CEP20: variants seen among roughly 807,000 people sequenced by gnomAD.
The protein encoded by CEP20 is FGFR1OP N-terminal like.
In CEP20, 18 loss-of-function variants were observed where a neutral mutation model predicts 20.0. The observed-to-expected ratio is 0.90, with a 90% CI of 0.62 to 1.34. CEP20 has a LOEUF of 1.34. Ranked by LOEUF, CEP20 falls within the 40% of genes most tolerant of loss-of-function variation. CEP20 has a pLI of 0.00. For missense variants in CEP20, 215 were observed against 201.6 expected (o/e 1.07, Z -0.40); for synonymous variants, 77 against 73.7 (o/e 1.04, Z -0.23).
chr16:15,883,523 G>A (rs1171313454), intron 2 of CEP20, among the ~76,000 whole-genome samples: 4 of 151,948 alleles, frequency 2.6e-5, no homozygotes, highest in African/African-American at 9.7e-5. Flanking sequence ...GTGCCACCAT[G>A]CATGGCTAAT....
intron 2 of CEP20, among the ~76,000 whole-genome samples, chr16:15,882,555 CA>C (rs935318216): frequency 3.3e-5 from 5 of 150,522 alleles, no homozygotes; most frequent in African/African-American, 1.2e-4. Flanking sequence ...AACAAACATA[CA>C]AAAAAACCTC....
chr16:15,870,181 T>A (rs1301844575), intron 4 of CEP20, among the ~76,000 whole-genome samples: 1 of 151,254 alleles, frequency 6.6e-6, no homozygotes, highest in African/African-American at 2.4e-5. Flanking sequence ...ACTTTCTTAC[T>A]AGTCATGAGC....
intron 3 of CEP20, among the ~76,000 whole-genome samples, chr16:15,879,260 G>GTTTT (rs1230335645): frequency 3.3e-5 from 5 of 149,902 alleles, no homozygotes; most frequent in African/African-American, 7.4e-5. Flanking sequence ...TTTTGTTTTT[G>GTTTT]TTTTTGTTTT....
chr16:15,867,990 A>AG (rs1272340494), intron 4 of CEP20, among the ~76,000 whole-genome samples: 2 of 151,612 alleles, frequency 1.3e-5, no homozygotes, highest in African/African-American at 2.4e-5. Context: ...AAAAAAAAAA[A>AG]AAAGAAAGAA....
intron 1 of CEP20, chr16:15,886,285 T>G (rs888438925): frequency 6.6e-6 from 1 of 152,244 alleles, no homozygotes; most frequent in African/African-American, 2.4e-5. Context: ...AGATAGAATC[T>G]TCACTGACTT....
At position 15,867,014 on chromosome 16, in the gene CEP20, C is replaced by A. The variant is rs1244369522; in HGVS notation, c.*426G>T. On this transcript the variant is annotated 3_prime_UTR_variant, in exon 5 of 5. Transcript: ENST00000255759. Reference sequence around the variant, plus strand: ...CCTGAGGTCAGGAGTTCAAGACCAGCCTGGCCAGCATGGTGAAACCCCATC... The same window carrying A: ...CCTGAGGTCAGGAGTTCAAGACCAGACTGGCCAGCATGGTGAAACCCCATC... The A allele has an allele frequency of 4.4e-5, 7 of 159,908 alleles. 1 individual carries two copies. The East Asian group carries it at 1.3e-3, about 29-fold the overall frequency. 9.9% of individuals were successfully genotyped at this position (159,908 alleles called of 1,614,324 possible).
At chr16:15,888,067 C>A (rs1437486671) in intron 1 of CEP20, among the ~76,000 whole-genome samples, 2 of 140,504 alleles carry the variant, frequency 1.4e-5, no homozygotes, top group Non-Finnish European at 3.1e-5. Context: ...GACAGAGAGA[C>A]CCTCTCTTTA....
chr16:15,874,157 C>T (rs1236393287), intron 3 of CEP20, among the ~76,000 whole-genome samples: 1 of 152,118 alleles, frequency 6.6e-6, no homozygotes, highest in Non-Finnish European at 1.5e-5. Flanking sequence ...GGATAAGCAC[C>T]GTCCCTCCCT....
At chr16:15,872,086 G>A (rs1188148946) in intron 4 of CEP20, among the ~76,000 whole-genome samples, 1 of 152,120 alleles carries the variant, frequency 6.6e-6, no homozygotes, top group East Asian at 1.9e-4. Flanking sequence ...AGGCCAAGGT[G>A]GGCGGATCAT....
chr16:15,874,478 A>T (rs1489387556), intron 3 of CEP20, among the ~76,000 whole-genome samples: 2 of 152,106 alleles, frequency 1.3e-5, no homozygotes, highest in African/African-American at 4.8e-5. Context: ...CAAATCCCAT[A>T]TTGTTTTCCT....
At chr16:15,873,990 C>T (rs1276636329) in intron 3 of CEP20, among the ~76,000 whole-genome samples, 2 of 152,188 alleles carry the variant, frequency 1.3e-5, no homozygotes, top group Non-Finnish European at 2.9e-5. Context: ...TCAATAAACA[C>T]CTCTTGATTA....
chr16:15,885,843 T>C (rs184847545), intron 1 of CEP20: 7 of 152,384 alleles, frequency 4.6e-5, no homozygotes, highest in Admixed American at 4.6e-4. Flanking sequence ...AACTTACTGA[T>C]TAGCCAGAGT....
chr16:15,869,791 A>G (rs149990203), intron 4 of CEP20, among the ~76,000 whole-genome samples: 291 of 152,314 alleles, frequency 1.9e-3, no homozygotes, highest in Non-Finnish European at 2.5e-3. Flanking sequence ...AAGTAAATGG[A>G]AAGCTTAAGT....
chr16:15,871,612 T>A (rs971477210), intron 4 of CEP20, among the ~76,000 whole-genome samples: 1 of 152,214 alleles, frequency 6.6e-6, no homozygotes, highest in Admixed American at 6.5e-5. Context: ...TCAAATGTGC[T>A]GATTCTGCTA....
At chr16:15,882,778 T>TACACACACACACA (rs763098969) in intron 2 of CEP20, among the ~76,000 whole-genome samples, 34 of 50,614 alleles carry the variant, frequency 6.7e-4, no homozygotes, top group East Asian at 3.2e-3. Flanking sequence ...TATCTATCTA[T>TACACACACACACA]CTAGATACAC....
At chr16:15,871,939 A>G (rs956031682) in intron 4 of CEP20, among the ~76,000 whole-genome samples, 10 of 149,818 alleles carry the variant, frequency 6.7e-5, no homozygotes, top group Non-Finnish European at 1.5e-4. Flanking sequence ...AAAGTTTCCT[A>G]AAAGTTCGTG....
At chr16:15,870,950 C>T (rs1046354993) in intron 4 of CEP20, among the ~76,000 whole-genome samples, 4 of 152,092 alleles carry the variant, frequency 2.6e-5, no homozygotes, top group Admixed American at 2.6e-4. Flanking sequence ...TATTTAAATA[C>T]ACAGAAATGA....
chr16:15,876,852 CT>C (rs150019067), intron 3 of CEP20, among the ~76,000 whole-genome samples: 8,876 of 135,706 alleles, frequency 0.065, 194 homozygotes, highest in East Asian at 0.19. Context: ...CTCAAACTTA[CT>C]TTTTTTTTTT....
intron 2 of CEP20, among the ~76,000 whole-genome samples, chr16:15,883,624 CA>C (rs1273093963): frequency 6.6e-6 from 1 of 152,080 alleles, no homozygotes; most frequent in African/African-American, 2.4e-5. Flanking sequence ...CTCGGCCTCC[CA>C]AAGCACTGAG....
Sources: gnomAD v4.1 joint callset for allele counts (sites outside exome capture counted in the v4.1 genomes callset) on GRCh38, gnomAD v4.1.1 for gene constraint, MANE v1.5 for transcripts, NCBI Gene and HGNC (gene_info 2026-07-23, HGNC 2026-07-21) for gene names.